SFSWAP: variants seen among roughly 807,000 people sequenced by gnomAD.
SFSWAP encodes the protein splicing factor, suppressor of white-apricot homolog.
A neutral mutation model predicts 100.7 loss-of-function variants in SFSWAP; 17 were observed. That is an observed-to-expected ratio of 0.17 (90% CI 0.12 to 0.25). The LOEUF (loss-of-function observed/expected upper bound fraction) is 0.25, where lower values mean the gene tolerates loss of function less well. Among genes scored for constraint, SFSWAP ranks in the 10% least tolerant of loss-of-function variants. SFSWAP has a pLI of 1.00. For missense variants in SFSWAP, 1,005 were observed against 1,262.6 expected (o/e 0.80, Z 3.09); for synonymous variants, 504 against 510.1 (o/e 0.99, Z 0.16).
chr12:131,793,486 G>A (rs1885421571), intron 15 of SFSWAP, among the ~76,000 whole-genome samples: 1 of 152,122 alleles, frequency 6.6e-6, no homozygotes, highest in South Asian at 2.1e-4. Flanking sequence ...GCGGATCAGA[G>A]ATCTAAACAA....
intron 14 of SFSWAP, chr12:131,784,888 T>C (rs1884777590): frequency 2.2e-6 from 1 of 460,512 alleles, no homozygotes; most frequent in Non-Finnish European, 3.8e-6. Context: ...ATTTCAAAGT[T>C]AAGAATTTGC....
At chr12:131,776,472 C>G (rs938047273) in intron 13 of SFSWAP, among the ~76,000 whole-genome samples, 1 of 152,252 alleles carries the variant, frequency 6.6e-6, no homozygotes, top group Non-Finnish European at 1.5e-5. Context: ...GCCTGCCCCA[C>G]CAGGGCTCTG....
At chr12:131,754,531 T>C in intron 9 of SFSWAP, 32 bp downstream of exon 9, 3 of 1,470,868 alleles carry the variant, frequency 2.0e-6, no homozygotes, top group South Asian at 1.4e-5. Context: ...GTTAGGTATA[T>C]GGCATTTGGG....
rs1880411947 is a variant in SFSWAP, at chr12:131,739,625, A to G, written c.1081+11197A>G. The stretch of plus-strand genomic sequence containing the variant: ...CAGTGGCGCAATCTCGGCTCACTGC[A>G]AGCTCTGCCTCCTGGGTTCACGCCA... On this transcript the variant is annotated intron_variant, in intron 7 of 17. Transcript: ENST00000261674. Among the ~76,000 whole-genome samples, 4 of 135,048 alleles carry G rather than the reference A, an allele frequency of 3.0e-5. No homozygotes were observed. The Admixed American group carries it at 3.5e-4, about 12-fold the overall frequency. The allele number at this position is 135,048 out of a possible 152,430, so 88.6% of individuals were successfully genotyped here. A position where few individuals can be genotyped will look rare whatever the true frequency, so the allele number is the denominator to read the frequency against.
chr12:131,778,139 T>C lies in SFSWAP; in HGVS notation c.2217T>C (p.Asp739=), dbSNP rs960347131. The part of the protein sequence containing the change: ...PLPTLEVKPP[D]RPSSKSKDPP... ...CTACTTTAGAAGTTAAACCACCCGA[T>C]AGGCCTTCGAGCAAAAGCAAAGATC... is the stretch of plus-strand genomic sequence containing the variant. Residue 739 remains aspartate (D), a synonymous_variant, in exon 14 of 18, where the codon GAT becomes GAC. Coordinates refer to ENST00000261674, the MANE Select transcript of SFSWAP (RefSeq NM_004592.4). This position sits in a 1 kb window ranked among gnomAD's most constrained non-coding sequence, Gnocchi z 4.2. 5 of 1,613,592 alleles carry C rather than the reference T, an allele frequency of 3.1e-6. No individual in the cohort carries two copies. The African/African-American group carries it at 5.4e-5, about 17-fold the overall frequency.
chr12:131,777,552 G>A (rs762299163), intron 13 of SFSWAP, among the ~76,000 whole-genome samples: 5 of 152,136 alleles, frequency 3.3e-5, no homozygotes, highest in Non-Finnish European at 7.3e-5. Context: ...ATTGTTGGAC[G>A]TTTGCGTTGG....
chr12:131,725,621 G>A lies in SFSWAP; in HGVS notation c.823G>A (p.Glu275Lys), dbSNP rs1566007654. The change falls in exon 5 of 18, where the codon GAG (glutamate) becomes AAG (lysine). Residue 275 changes from glutamate to lysine, a missense_variant. By Grantham distance (56) the Glu-to-Lys change is moderately conservative. This residue lies in a region of SFSWAP where 54 missense variants were observed against 51.9 expected (regional missense o/e 1.04). Coordinates refer to ENST00000261674, the MANE Select transcript of SFSWAP (RefSeq NM_004592.4). This position sits in a 1 kb window ranked among gnomAD's most constrained non-coding sequence, Gnocchi z 4.3. ...YTVLAENKSDEKKKSGVSSDN... is the reference protein window; with the variant it reads ...YTVLAENKSDKKKKSGVSSDN... Reference sequence around the variant, plus strand: ...TGTCCTGGCAGAAAACAAAAGTGACGAGAAAAAAAGTAGGTCCCACTGCGT... The same window carrying A: ...TGTCCTGGCAGAAAACAAAAGTGACAAGAAAAAAAGTAGGTCCCACTGCGT... 6.8e-6 allele frequency: 11 copies of A among 1,612,630 alleles called. No individual in the cohort carries two copies. Among genetic ancestry groups the A allele is most frequent in the Non-Finnish European group, 9.3e-6 (11 of 1,179,186 alleles).
chr12:131,738,675 G>A (rs376190070), intron 7 of SFSWAP, among the ~76,000 whole-genome samples: 2 of 152,122 alleles, frequency 1.3e-5, no homozygotes, highest in South Asian at 4.2e-4. Context: ...CCTGATTTTT[G>A]TTAGAATTAT....
intron 15 of SFSWAP, among the ~76,000 whole-genome samples, chr12:131,788,528 G>A (rs1431399954): frequency 2.0e-5 from 3 of 151,808 alleles, no homozygotes; most frequent in African/African-American, 7.3e-5. Flanking sequence ...TTCTTTTGGG[G>A]GCGTTTTTTT....
At chr12:131,718,957 A>G (rs888128827) in intron 3 of SFSWAP, among the ~76,000 whole-genome samples, 4 of 152,234 alleles carry the variant, frequency 2.6e-5, no homozygotes, top group African/African-American at 7.2e-5. Context: ...GCGGCAGGGC[A>G]GGAGTTTAAC....
chr12:131,784,741 C>T (rs972445501), intron 14 of SFSWAP: 1 of 186,126 alleles, frequency 5.4e-6, no homozygotes, highest in Non-Finnish European at 1.1e-5. Context: ...TAAAGTCAAA[C>T]TTAGAGAATT....
At chr12:131,738,171 T>A (rs921914264) in intron 7 of SFSWAP, among the ~76,000 whole-genome samples, 2 of 152,226 alleles carry the variant, frequency 1.3e-5, no homozygotes, top group African/African-American at 2.4e-5. Flanking sequence ...CCCTGTTTTT[T>A]AAATGTGCCT....
At chr12:131,785,137 G>T in intron 14 of SFSWAP, 1 of 1,535,694 alleles carries the variant, frequency 6.5e-7, no homozygotes, top group Non-Finnish European at 8.7e-7. Context: ...AGTGACAGCG[G>T]CAGCCGAGCC....
chr12:131,785,155 T>TG, intron 14 of SFSWAP: 8 of 1,535,682 alleles, frequency 5.2e-6, no homozygotes, highest in Non-Finnish European at 7.0e-6. Flanking sequence ...GCCAGGAAGT[T>TG]ATCAGGCAGC....
chr12:131,731,872 G>A (rs1879540743), intron 7 of SFSWAP, among the ~76,000 whole-genome samples: 1 of 128,874 alleles, frequency 7.8e-6, no homozygotes, highest in Admixed American at 7.5e-5. Context: ...TCATTTTCAT[G>A]ATGTTTTTGA....
chr12:131,755,165 G>A (rs866163677), intron 9 of SFSWAP, among the ~76,000 whole-genome samples: 4 of 152,126 alleles, frequency 2.6e-5, no homozygotes, highest in East Asian at 3.9e-4. Flanking sequence ...CTAATAAAAC[G>A]TAAAGATATG....
chr12:131,771,642 T>TA (rs1376231585), intron 13 of SFSWAP, among the ~76,000 whole-genome samples: 1 of 146,344 alleles, frequency 6.8e-6, no homozygotes, highest in Non-Finnish European at 1.5e-5. Flanking sequence ...GTCATTTTGC[T>TA]AATGTCTCTT....
intron 13 of SFSWAP, among the ~76,000 whole-genome samples, chr12:131,767,720 A>G (rs1883230190): frequency 6.6e-6 from 1 of 152,234 alleles, no homozygotes; most frequent in East Asian, 1.9e-4. Flanking sequence ...AAAAAAATGA[A>G]TGAACACAGG....
chr12:131,775,475 T>G (rs1883947823), intron 13 of SFSWAP, among the ~76,000 whole-genome samples: 1 of 152,132 alleles, frequency 6.6e-6, no homozygotes, highest in Non-Finnish European at 1.5e-5. Flanking sequence ...GATACTGGCA[T>G]TTTTTTAGTG....
Sources: gnomAD v4.1 joint callset for allele counts (sites outside exome capture counted in the v4.1 genomes callset) on GRCh38, gnomAD v4.1.1 for gene constraint, gnomAD v4.1.1 regional missense constraint, Gnocchi (gnomAD v3.1) non-coding constraint, MANE v1.5 for transcripts, NCBI Gene and HGNC (gene_info 2026-07-23, HGNC 2026-07-21) for gene names.